Variants in LYZL1 observed in about 807,000 individuals in gnomAD.
The protein encoded by LYZL1 is lysozyme-like protein 1.
A neutral mutation model predicts 17.9 loss-of-function variants in LYZL1; 16 were observed. That is an observed-to-expected ratio of 0.90 (90% CI 0.61 to 1.36). The LOEUF (loss-of-function observed/expected upper bound fraction) is 1.36, where lower values mean the gene tolerates loss of function less well. Among genes scored for constraint, LYZL1 ranks in the 40% most tolerant of loss-of-function variants. The probability of loss-of-function intolerance (pLI) is 0.00; values close to 1 mark genes in which losing one functional copy is unlikely to be tolerated. For synonymous variants in LYZL1, 58 were observed against 71.8 expected, an observed-to-expected ratio of 0.81 and a Z score of 0.97; for missense variants, 149 against 188.4, an observed-to-expected ratio of 0.79 and a Z score of 1.22.
intron 3 of LYZL1, among the ~76,000 whole-genome samples, 189 bp from the exon 4 acceptor site, chr10:29,309,921 T>C (rs1835646940): frequency 6.6e-6 from 1 of 152,232 alleles, no homozygotes; most frequent in Non-Finnish European, 1.5e-5. Context: ...GAAAACGGTC[T>C]TAAAACAACA....
downstream of LYZL1, among the ~76,000 whole-genome samples, chr10:29,313,654 G>T (rs140717697): frequency 3.7e-3 from 562 of 152,290 alleles, 5 homozygotes; most frequent in African/African-American, 0.012. Context: ...AGGATGAAAA[G>T]AATACATTTT....
At chr10:29,306,549 C>CAAAAAAAAAAA (rs58001118) in intron 3 of LYZL1, among the ~76,000 whole-genome samples, 48 of 48,770 alleles carry the variant, frequency 9.8e-4, no homozygotes, top group Non-Finnish European at 1.1e-3. Flanking sequence ...GACTCCGTCT[C>CAAAAAAAAAAA]AAAAAAAAAA....
At chr10:29,310,366 A>G (rs1184078099) in intron 4 of LYZL1, among the ~76,000 whole-genome samples, 178 bp downstream of exon 4, 1 of 152,182 alleles carries the variant, frequency 6.6e-6, no homozygotes, top group African/African-American at 2.4e-5. Flanking sequence ...ATAGTAGTAC[A>G]TAGAAAGGGA....
chr10:29,290,503 G>T lies in LYZL1; in HGVS notation c.-26+1273G>T, dbSNP rs373420199. On this transcript the variant is annotated intron_variant, in intron 1 of 4. Transcript: ENST00000649382. The stretch of plus-strand genomic sequence containing the variant: ...TTAGGAGGCCCCCCGGAGCACTGGT[G>T]GTGAAGCTTAGCAAAGCAATGCATT... 9.1e-4 allele frequency among the ~76,000 whole-genome samples: 138 copies of T among 152,276 alleles called. No individual in the cohort carries two copies. In the East Asian group the frequency reaches 0.017, roughly 18 times the overall value.
At chr10:29,314,173 C>T (rs1835703716), downstream of LYZL1, among the ~76,000 whole-genome samples, 1 of 152,164 alleles carries the variant, frequency 6.6e-6, no homozygotes, top group African/African-American at 2.4e-5. Flanking sequence ...AACACAAGCT[C>T]CCAGCTCCTC....
At chr10:29,311,828 A>G (rs1264326849), downstream of LYZL1, among the ~76,000 whole-genome samples, 2 of 152,080 alleles carry the variant, frequency 1.3e-5, no homozygotes, top group Admixed American at 1.3e-4. Flanking sequence ...AAATACAAAA[A>G]TTAGCCGGGC....
At chr10:29,293,134 C>T (rs71492587) in intron 3 of LYZL1, among the ~76,000 whole-genome samples, 58,850 of 120,004 alleles carry the variant, frequency 0.49, 14,732 homozygotes, top group Non-Finnish European at 0.59. Flanking sequence ...TTTCTTTTTT[C>T]TTTTTTTTTT....
intron 3 of LYZL1, among the ~76,000 whole-genome samples, chr10:29,300,955 G>T (rs967145823): frequency 9.9e-5 from 15 of 151,998 alleles, no homozygotes; most frequent in African/African-American, 3.6e-4. Flanking sequence ...CCGAGTAGCT[G>T]GGACCACAGG....
exon 5 of LYZL1, chr10:29,318,303 A>G (rs1473797983): frequency 2.3e-6 from 1 of 443,092 alleles, no homozygotes; most frequent in East Asian, 1.6e-4. Context: ...GCATTCATGC[A>G]AAATAAAGCC....
At chr10:29,304,008 A>G (rs762667403) in intron 3 of LYZL1, among the ~76,000 whole-genome samples, 1 of 152,148 alleles carries the variant, frequency 6.6e-6, no homozygotes, top group Non-Finnish European at 1.5e-5. Context: ...CGATCCTCCC[A>G]TCTTGACCTC....
chr10:29,293,117 C>CT (rs1835397276), intron 3 of LYZL1, among the ~76,000 whole-genome samples: 5 of 107,264 alleles, frequency 4.7e-5, no homozygotes, highest in Non-Finnish European at 6.3e-5. Flanking sequence ...CTTTTTTTTT[C>CT]TTTTCTTTTC....
At chr10:29,293,142 T>C (rs1564389246) in intron 3 of LYZL1, among the ~76,000 whole-genome samples, 1 of 144,922 alleles carries the variant, frequency 6.9e-6, no homozygotes. Context: ...TTCTTTTTTT[T>C]TTTTTTTTGA....
At chr10:29,300,957 G>A (rs1043865132) in intron 3 of LYZL1, among the ~76,000 whole-genome samples, 1 of 152,078 alleles carries the variant, frequency 6.6e-6, no homozygotes, top group African/African-American at 2.4e-5. Context: ...GAGTAGCTGG[G>A]ACCACAGGCA....
chr10:29,298,980 C>T (rs1835481649), intron 3 of LYZL1, among the ~76,000 whole-genome samples: 1 of 152,086 alleles, frequency 6.6e-6, no homozygotes, highest in Non-Finnish European at 1.5e-5. Context: ...TCAGTGGGAG[C>T]CCTGAGCTGA....
chr10:29,304,921 C>T (rs1405815741), intron 3 of LYZL1, among the ~76,000 whole-genome samples: 3 of 152,208 alleles, frequency 2.0e-5, no homozygotes, highest in Non-Finnish European at 2.9e-5. Flanking sequence ...CAACTGTACT[C>T]GGTGTCCACT....
At chr10:29,300,752 T>A (rs1215146562) in intron 3 of LYZL1, among the ~76,000 whole-genome samples, 1 of 152,196 alleles carries the variant, frequency 6.6e-6, no homozygotes, top group Non-Finnish European at 1.5e-5. Flanking sequence ...TGAAAATATC[T>A]CTATTTTATT....
At chr10:29,312,088 C>T (rs1284188004), downstream of LYZL1, among the ~76,000 whole-genome samples, 1 of 152,154 alleles carries the variant, frequency 6.6e-6, no homozygotes, top group Non-Finnish European at 1.5e-5. Flanking sequence ...CTGTTTAAGG[C>T]CAGGAGTTCA....
chr10:29,306,686 A>G (rs1835598175), intron 3 of LYZL1, among the ~76,000 whole-genome samples: 1 of 152,018 alleles, frequency 6.6e-6, no homozygotes, highest in Admixed American at 6.5e-5. Context: ...AATCAAAATA[A>G]TATATATTTA....
chr10:29,292,549 A>G lies in LYZL1; in HGVS notation c.170A>G (p.Tyr57Cys). The G allele has an allele frequency of 3.7e-6, 6 of 1,614,208 alleles. No homozygotes were observed. Among genetic ancestry groups the G allele is most frequent in the Non-Finnish European group, 5.1e-6 (6 of 1,180,028 alleles). The change falls in exon 3 of 5, where the codon TAC becomes TGC. Residue 57 changes from tyrosine to cysteine, a missense_variant. Transcript: ENST00000649382. ...TGCATGGCATATTATGAGAGCGGCTACAACACCACAGCCCAGACGGTCCTG... is the reference window on the plus strand; with the variant it reads ...TGCATGGCATATTATGAGAGCGGCTGCAACACCACAGCCCAGACGGTCCTG... ...WICMAYYESGYNTTAQTVLDD... is the reference protein window; with the variant it reads ...WICMAYYESGCNTTAQTVLDD...
Sources: gnomAD v4.1 joint callset for allele counts (sites outside exome capture counted in the v4.1 genomes callset) on GRCh38, gnomAD v4.1.1 for gene constraint, MANE v1.5 for transcripts, NCBI Gene and HGNC (gene_info 2026-07-23, HGNC 2026-07-21) for gene names.